The following NRXN3 variants were observed in gnomAD, a reference collection of about 807,000 sequenced individuals.
NRXN3 encodes neurexin III.
A neutral mutation model predicts 137.6 loss-of-function variants in NRXN3; 32 were observed. The ratio of observed to expected loss-of-function variants is 0.23; its 90% confidence interval spans 0.18 to 0.31. The LOEUF (loss-of-function observed/expected upper bound fraction) is 0.31. Among genes scored for constraint, NRXN3 ranks in the 10% least tolerant of loss-of-function variants. The probability of loss-of-function intolerance (pLI) is 1.00; values close to 1 mark genes in which losing one functional copy is unlikely to be tolerated. For missense variants in NRXN3, 1,574 were observed against 2,062.5 expected (o/e 0.76, Z 4.59); for synonymous variants, 798 against 784.5 (o/e 1.02, Z -0.29).
Position 78,243,529 on chromosome 14 carries a change from G to T in NRXN3, c.436G>T (p.Asp146Tyr). 6.3e-7 allele frequency: 1 copy of T among 1,596,944 alleles called. No homozygotes were observed. The highest frequency in any genetic ancestry group is 1.1e-5 in the South Asian group (1 of 90,746). Residue 146 changes from aspartate (D) to tyrosine (Y), a missense_variant, in exon 2 of 21, where the codon GAC becomes TAC. Asp to Tyr is a radical substitution (Grantham distance 160). Coordinates refer to ENST00000335750, the MANE Select transcript of NRXN3 (RefSeq NM_001330195.2). This position sits in a 1 kb window ranked among gnomAD's most constrained non-coding sequence, Gnocchi z 4.2. The part of the protein sequence containing the change: ...PQRPYMDVVS[D>Y]LFLGGVPTDI... ...GCGGCCCTACATGGATGTGGTCAGT[G>T]ACTTGTTCCTTGGTGGAGTCCCTAC...
At chr14:78,571,471 C>T (rs1335648251) in intron 4 of NRXN3, among the ~76,000 whole-genome samples, 1 of 152,090 alleles carries the variant, frequency 6.6e-6, no homozygotes, top group African/African-American at 2.4e-5. Context: ...AAGGTGGATG[C>T]CCTGAAGCAG....
chr14:78,276,876 T>C (rs1197376695), intron 2 of NRXN3, among the ~76,000 whole-genome samples: 5 of 152,170 alleles, frequency 3.3e-5, no homozygotes, highest in Non-Finnish European at 7.4e-5. Context: ...AATTAAGGGG[T>C]ATTTTAACAT....
At chr14:78,521,798 A>AG (rs1262116724) in intron 4 of NRXN3, among the ~76,000 whole-genome samples, 1 of 152,200 alleles carries the variant, frequency 6.6e-6, no homozygotes, top group Non-Finnish European at 1.5e-5. Context: ...AATTTAAAAA[A>AG]AACCCCATGG....
At chr14:78,835,285 C>T (rs761471427) in intron 10 of NRXN3, among the ~76,000 whole-genome samples, 5 of 152,182 alleles carry the variant, frequency 3.3e-5, no homozygotes, top group East Asian at 1.9e-4. Flanking sequence ...ATGGGATTTA[C>T]GCACTTCACT....
intron 15 of NRXN3, among the ~76,000 whole-genome samples, chr14:79,007,508 C>CAA (rs201473355): frequency 8.2e-5 from 12 of 145,534 alleles, no homozygotes; most frequent in African/African-American, 3.0e-4. Flanking sequence ...AACAAACAAA[C>CAA]AAAAAAAAAC....
chr14:79,564,777 G>A (rs1224384243), intron 16 of NRXN3, among the ~76,000 whole-genome samples: 1 of 152,100 alleles, frequency 6.6e-6, no homozygotes, highest in Admixed American at 6.6e-5. Flanking sequence ...GTGTTGAGTT[G>A]TGTTCATGGG....
intron 16 of NRXN3, among the ~76,000 whole-genome samples, chr14:79,609,574 C>A (rs2098072408): frequency 6.6e-6 from 1 of 152,158 alleles, no homozygotes; most frequent in Non-Finnish European, 1.5e-5. Context: ...ATCATTATAT[C>A]TTTAATGAGG....
chr14:79,526,350 T>C (rs1356134031), intron 16 of NRXN3, among the ~76,000 whole-genome samples: 1 of 152,112 alleles, frequency 6.6e-6, no homozygotes, highest in African/African-American at 2.4e-5. Flanking sequence ...TGGCCCCATA[T>C]CCACCTAATT....
intron 10 of NRXN3, among the ~76,000 whole-genome samples, chr14:78,822,579 G>A (rs1418030790): frequency 1.3e-5 from 2 of 151,942 alleles, no homozygotes; most frequent in African/African-American, 4.8e-5. Flanking sequence ...GGAGGCTGAG[G>A]CAGGAGAATC....
chr14:79,661,771 C>A (rs767662002), intron 16 of NRXN3: 1 of 148,324 alleles, frequency 6.7e-6, no homozygotes, highest in Non-Finnish European at 1.5e-5. Flanking sequence ...CCTTCTCTTC[C>A]TTTTACTTCT....
At chr14:79,042,702 T>G (rs1040644252) in intron 15 of NRXN3, among the ~76,000 whole-genome samples, 1 of 152,200 alleles carries the variant, frequency 6.6e-6, no homozygotes, top group African/African-American at 2.4e-5. Flanking sequence ...TAATGCTGAT[T>G]TGAAAATTAG....
chr14:79,348,659 A>G (rs548805214), intron 15 of NRXN3, among the ~76,000 whole-genome samples: 113 of 152,218 alleles, frequency 7.4e-4, no homozygotes, highest in African/African-American at 2.4e-3. Flanking sequence ...TTACAGGCGT[A>G]AGCCACCGCG....
chr14:78,854,998 T>C (rs1301991976), intron 10 of NRXN3, among the ~76,000 whole-genome samples: 1 of 152,052 alleles, frequency 6.6e-6, no homozygotes, highest in Non-Finnish European at 1.5e-5. Flanking sequence ...ACCCCGTCTC[T>C]ACTAAAAATA....
intron 2 of NRXN3, 63 bp from the exon 3 acceptor site, chr14:78,278,582 C>T: frequency 2.3e-6 from 3 of 1,301,376 alleles, no homozygotes; most frequent in Non-Finnish European, 3.2e-6. Context: ...TAACACTCTT[C>T]TTCCTTTTTC....
intron 3 of NRXN3, among the ~76,000 whole-genome samples, chr14:78,280,639 G>A (rs61976010): frequency 0.029 from 4,383 of 152,270 alleles, 82 homozygotes; most frequent in African/African-American, 0.048. Flanking sequence ...TCCAACCTGT[G>A]TTCCTCTTGC....
chr14:78,248,302 G>GCCCCCCCCCCCC (rs1177541167), intron 2 of NRXN3, among the ~76,000 whole-genome samples: 2 of 22,556 alleles, frequency 8.9e-5, no homozygotes, highest in Non-Finnish European at 1.8e-4. Context: ...ACCGCCCCCC[G>GCCCCCCCCCCCC]CCCCCCCCCC....
rs533466963 is a variant in NRXN3 at position 79,420,477 on chromosome 14, G to A, written c.3263-46744G>A. ...CAATAATGGAACACTAGGCATAAGT[G>A]GCTACACACATTATCTCAACTGCCC... On this transcript the variant is annotated intron_variant, in intron 15 of 20. Coordinates refer to ENST00000335750, the MANE Select transcript of NRXN3 (RefSeq NM_001330195.2). Among the ~76,000 whole-genome samples, 13 of 152,120 alleles carry A rather than the reference G, an allele frequency of 8.5e-5. No homozygotes were observed. The South Asian group carries it at 2.7e-3, about 32-fold the overall frequency.
At chr14:79,216,211 T>C (rs2068478179) in intron 15 of NRXN3, among the ~76,000 whole-genome samples, 1 of 152,152 alleles carries the variant, frequency 6.6e-6, no homozygotes, top group Non-Finnish European at 1.5e-5. Flanking sequence ...TTAGCTGAGA[T>C]GGTGTGGCTT....
At chr14:78,960,684 C>G (rs1487537523) in intron 11 of NRXN3, among the ~76,000 whole-genome samples, 1 of 152,170 alleles carries the variant, frequency 6.6e-6, no homozygotes, top group African/African-American at 2.4e-5. Flanking sequence ...GGGCCTAATG[C>G]TGCATGAACT....
Sources: allele counts gnomAD v4.1 joint callset (sites outside exome capture counted in the v4.1 genomes callset), GRCh38; gene constraint gnomAD v4.1.1; non-coding constraint Gnocchi (gnomAD v3.1); transcripts MANE v1.5; gene names NCBI Gene and HGNC (gene_info 2026-07-23, HGNC 2026-07-21).